DIS3: variants seen among roughly 807,000 people sequenced by gnomAD.
DIS3 encodes the protein DIS3 exosome endoribonuclease and 3'-5' exoribonuclease.
A neutral mutation model predicts 113.0 loss-of-function variants in DIS3; 103 were observed. The observed-to-expected ratio is 0.91, with a 90% CI of 0.78 to 1.07. The LOEUF is 1.07. Among genes scored for constraint, DIS3 ranks in the 50% least tolerant of loss-of-function variants. The pLI is 0.00. For missense variants in DIS3, 1,121 were observed against 1,167.1 expected (o/e 0.96, Z 0.58); for synonymous variants, 402 against 394.3 (o/e 1.02, Z -0.23).
At position 72,753,628 on chromosome 13, in the gene DIS3, T is replaced by C. The variant is rs2033342904; in HGVS notation, c.*6167A>G. The C allele has an allele frequency of 1.3e-6, 2 of 1,509,082 alleles. No homozygotes were observed. The highest frequency in any genetic ancestry group is 2.3e-5 in the East Asian group (1 of 44,110). The allele number at this position is 1,509,082 out of a possible 1,614,324, so 93.5% of individuals were successfully genotyped here. ...TGAATGAGAGTTTATAGTGGTTTAC[T>C]TATTTAAATATTTGACTTTTAAGTT... On this transcript the variant is annotated 3_prime_UTR_variant, in exon 21 of 21. Transcript: ENST00000377767.
rs2138126182 is a variant in DIS3 at position 72,755,710 on chromosome 13, A to C, written c.*4085T>G. On this transcript the variant is annotated 3_prime_UTR_variant, in exon 21 of 21. Transcript: ENST00000377767. ...CAAAAGAAATTAAACAGGTTTCCTG[A>C]AATTTTAGTTCTTGGTCTGTTCACC... The C allele has an allele frequency of 2.5e-6, 1 of 396,950 alleles. No homozygotes were observed. The highest frequency in any genetic ancestry group is 4.4e-5 in the Admixed American group (1 of 22,734). The allele number at this position is 396,950 out of a possible 1,614,324, so 24.6% of individuals were successfully genotyped here.
chr13:72,770,660 T>C (rs1223018076), intron 13 of DIS3, among the ~76,000 whole-genome samples: 1 of 152,198 alleles, frequency 6.6e-6, no homozygotes, highest in Non-Finnish European at 1.5e-5. Context: ...TTTAAGCACG[T>C]GCCCGCAGCT....
At position 72,753,747 on chromosome 13, in the gene DIS3, G is replaced by A; in HGVS notation, c.*6048C>T. On this transcript the variant is annotated 3_prime_UTR_variant, in exon 21 of 21. Transcript: ENST00000377767. ...AAGCAATATTATGGATACAGTTGGG[G>A]CAGAAAGTTACTGCAAAGAAAGTGA... The A allele has an allele frequency of 6.2e-7, 1 of 1,613,540 alleles. No individual in the cohort carries two copies. The highest frequency in any genetic ancestry group is 8.5e-7 in the Non-Finnish European group (1 of 1,179,674).
At chr13:72,764,003 T>A (rs1249914686) in intron 15 of DIS3, among the ~76,000 whole-genome samples, 1 of 151,912 alleles carries the variant, frequency 6.6e-6, no homozygotes, top group Non-Finnish European at 1.5e-5. Flanking sequence ...TATAAAAAAA[T>A]TAGCCAGGTC....
At chr13:72,777,321 C>A in intron 4 of DIS3, 99 bp downstream of exon 4, 1 of 1,127,250 alleles carries the variant, frequency 8.9e-7, no homozygotes, top group South Asian at 1.4e-5. Context: ...CCAGCTTACC[C>A]ACCGACATTC....
chr13:72,768,758 CTT>C (rs1327138413), intron 14 of DIS3, 25 bp downstream of exon 14: 1 of 1,522,804 alleles, frequency 6.6e-7, no homozygotes, highest in Non-Finnish European at 9.0e-7. Context: ...TAAAAATTAT[CTT>C]AATACTATGA....
rs2033406598 is a variant in DIS3, at chr13:72,754,935, A to G, written c.*4860T>C. 6.5e-6 allele frequency: 3 copies of G among 462,478 alleles called. No homozygotes were observed. Among genetic ancestry groups the G allele is most frequent in the Non-Finnish European group, 1.2e-5 (3 of 258,158 alleles). 28.6% of individuals were successfully genotyped at this position (462,478 alleles called of 1,614,324 possible). A position where few individuals can be genotyped will look rare whatever the true frequency, so the allele number is the denominator to read the frequency against. On this transcript the variant is annotated 3_prime_UTR_variant, in exon 21 of 21. Transcript: ENST00000377767. ...CACTATGTTGCCAGGGCTAGTCCCAAACTCCTGGGCTCGTGCGATCCTCCC... is the reference window on the plus strand; with the variant it reads ...CACTATGTTGCCAGGGCTAGTCCCAGACTCCTGGGCTCGTGCGATCCTCCC...
At chr13:72,776,122 C>A in intron 4 of DIS3, 30 bp from the exon 5 acceptor site, 1 of 1,567,570 alleles carries the variant, frequency 6.4e-7, no homozygotes, top group Non-Finnish European at 8.6e-7. Flanking sequence ...AAAGATGCCG[C>A]TAATAAGTCT....
chr13:72,755,385 G>C lies in DIS3; in HGVS notation c.*4410C>G, dbSNP rs1445826295. 3 of 533,616 alleles carry C rather than the reference G, an allele frequency of 5.6e-6. No homozygotes were observed. The highest frequency in any genetic ancestry group is 9.9e-6 in the Non-Finnish European group (3 of 304,118). 33.1% of individuals were successfully genotyped at this position (533,616 alleles called of 1,614,324 possible). ...TTACTGACATAGGAACAACAGAAAT[G>C]CTCCTGGAACTTCAAGTTGCTGAAT... is the stretch of plus-strand genomic sequence containing the variant. On this transcript the variant is annotated 3_prime_UTR_variant, in exon 21 of 21. Transcript: ENST00000377767.
In DIS3 at chr13:72,770,933, T is replaced by TC; in HGVS notation, c.1725dup (p.Lys576GlufsTer8). Reference sequence around the variant, plus strand: ...GAATTAATAACACTTTTGGTAAACTTCGTTTTTAAGATTTCAGCATTGTGA... The same window carrying TC: ...GAATTAATAACACTTTTGGTAAACTTCCGTTTTTAAGATTTCAGCATTGTGA... On this transcript the variant is annotated frameshift_variant, in exon 13 of 21. Transcript: ENST00000377767. LOFTEE classifies it high-confidence loss of function. 6.2e-7 allele frequency: 1 copy of TC among 1,607,086 alleles called. No individual in the cohort carries two copies. Among genetic ancestry groups the TC allele is most frequent in the Non-Finnish European group, 8.5e-7 (1 of 1,176,362 alleles).
rs1273377914 is a variant in DIS3, at chr13:72,776,097, G to C, written c.655-5C>G. 6.3e-7 allele frequency: 1 copy of C among 1,585,160 alleles called. No homozygotes were observed. Among genetic ancestry groups the C allele is most frequent in the Non-Finnish European group, 8.5e-7 (1 of 1,171,562 alleles). ...TTTTCCACTTTCTATTTCATTCTAT[G>C]AAAGAAGCAAACCAAAAGATGCCGC... On this transcript the variant is annotated splice_polypyrimidine_tract_variant and splice_region_variant and intron_variant, in intron 4 of 20. Coordinates refer to ENST00000377767, the MANE Select transcript of DIS3 (RefSeq NM_014953.5).
Position 72,755,104 on chromosome 13 carries a change from G to A in DIS3, c.*4691C>T. The A allele has an allele frequency of 6.6e-7, 1 of 1,526,628 alleles. No individual in the cohort carries two copies. Among genetic ancestry groups the A allele is most frequent in the East Asian group, 2.3e-5 (1 of 44,436 alleles). 94.6% of individuals were successfully genotyped at this position (1,526,628 alleles called of 1,614,324 possible). On this transcript the variant is annotated 3_prime_UTR_variant, in exon 21 of 21. Coordinates refer to ENST00000377767, the MANE Select transcript of DIS3 (RefSeq NM_014953.5). Reference sequence around the variant, plus strand: ...ACAGTCCCGATAATTGCATCCTCCAGTGGTCCTACTTAAACTGAAAACAAG... The same window carrying A: ...ACAGTCCCGATAATTGCATCCTCCAATGGTCCTACTTAAACTGAAAACAAG...
At chr13:72,781,447 C>T in intron 1 of DIS3, 158 bp downstream of exon 1, 1 of 1,480,278 alleles carries the variant, frequency 6.8e-7, no homozygotes. Flanking sequence ...AGGAAAAGAA[C>T]CTCGGCCTGG....
chr13:72,776,115 G>C, intron 4 of DIS3, 23 bp from the exon 5 acceptor site: 2 of 1,574,382 alleles, frequency 1.3e-6, no homozygotes, highest in Non-Finnish European at 1.7e-6. Flanking sequence ...CAAACCAAAA[G>C]ATGCCGCTAA....
rs375269998 is a variant in DIS3 at position 72,757,856 on chromosome 13, C to T, written c.*1939G>A. 4.7e-4 allele frequency: 98 copies of T among 207,948 alleles called. No homozygotes were observed. The highest frequency in any genetic ancestry group is 2.1e-3 in the African/African-American group (94 of 43,978). The allele number at this position is 207,948 out of a possible 1,614,324, so 12.9% of individuals were successfully genotyped here. ...ATGGCCAAATATACGATGATGATCC[C>T]GTAAGATTACAATGGAGCTGAAAAA... On this transcript the variant is annotated 3_prime_UTR_variant, in exon 21 of 21. Coordinates refer to ENST00000377767, the MANE Select transcript of DIS3 (RefSeq NM_014953.5).
intron 2 of DIS3, 112 bp from the exon 3 acceptor site, chr13:72,778,492 C>T (rs181110070): frequency 0.011 from 8,674 of 762,464 alleles, 69 homozygotes; most frequent in Middle Eastern, 0.017. Context: ...AATGGTATAT[C>T]TTTTCTCTTG....
Position 72,755,095 on chromosome 13 carries a change from C to A in DIS3, c.*4700G>T. 1 of 1,455,674 alleles carries A rather than the reference C, an allele frequency of 6.9e-7. No individual in the cohort carries two copies. Among genetic ancestry groups the A allele is most frequent in the Non-Finnish European group, 9.6e-7 (1 of 1,039,600 alleles). The allele number at this position is 1,455,674 out of a possible 1,614,324, so 90.2% of individuals were successfully genotyped here. On this transcript the variant is annotated 3_prime_UTR_variant, in exon 21 of 21. Transcript: ENST00000377767. ...GTTTTAAAAACAGTCCCGATAATTG[C>A]ATCCTCCAGTGGTCCTACTTAAACT...
At position 72,759,563 on chromosome 13, in the gene DIS3, G is replaced by T; in HGVS notation, c.*232C>A. The T allele has an allele frequency of 7.1e-6, 3 of 420,870 alleles. No homozygotes were observed. Among genetic ancestry groups the T allele is most frequent in the Non-Finnish European group, 1.3e-5 (3 of 234,224 alleles). 26.1% of individuals were successfully genotyped at this position (420,870 alleles called of 1,614,324 possible). Reference sequence around the variant, plus strand: ...GTTGCTGTCCTGTCACTGTATTTAAGTGATGGATATTCAATTGAATTATTC... The same window carrying T: ...GTTGCTGTCCTGTCACTGTATTTAATTGATGGATATTCAATTGAATTATTC... On this transcript the variant is annotated 3_prime_UTR_variant, in exon 21 of 21. Transcript: ENST00000377767.
In DIS3 at chr13:72,760,713, C is replaced by T. The variant is rs3759418; in HGVS notation, c.2671-62G>A. Reference sequence around the variant, plus strand: ...CTTACATTTGAGGCTTTGTTCTAATCCTTTACAATTTATCTTACATAGTAG... The same window carrying T: ...CTTACATTTGAGGCTTTGTTCTAATTCTTTACAATTTATCTTACATAGTAG... On this transcript the variant is annotated intron_variant, in intron 19 of 20. Coordinates refer to ENST00000377767, the MANE Select transcript of DIS3 (RefSeq NM_014953.5). The T allele has an allele frequency of 5.2e-3, 8,083 of 1,554,786 alleles. 284 individuals are homozygous for T. The highest frequency in any genetic ancestry group is 0.018 in the East Asian group (783 of 44,214).
Sources: gnomAD v4.1 joint callset for allele counts (sites outside exome capture counted in the v4.1 genomes callset) on GRCh38, gnomAD v4.1.1 for gene constraint, MANE v1.5 for transcripts, NCBI Gene and HGNC (gene_info 2026-07-23, HGNC 2026-07-21) for gene names.